Variants in ALG6 observed in about 807,000 individuals in gnomAD.
The protein encoded by ALG6 is ALG6 alpha-1,3-glucosyltransferase, also known as dolichyl pyrophosphate Man9GlcNAc2 alpha-1,3-glucosyltransferase.
ALG6 carries 46 observed loss-of-function variants against 66.6 expected under a neutral mutation model. The observed-to-expected ratio is 0.69, with a 90% CI of 0.55 to 0.88. ALG6 has a LOEUF of 0.88. Ranked by LOEUF, ALG6 falls within the 40% of genes least tolerant of loss-of-function variation. The pLI is 0.00. For missense variants in ALG6, 505 were observed against 586.8 expected (o/e 0.86, Z 1.44); for synonymous variants, 185 against 203.7 (o/e 0.91, Z 0.78).
At chr1:63,421,100 T>C (rs1406209649) in intron 12 of ALG6, among the ~76,000 whole-genome samples, 3 of 151,160 alleles carry the variant, frequency 2.0e-5, no homozygotes, top group African/African-American at 7.3e-5. Flanking sequence ...ATAAATACCA[T>C]GATGGAGAAA....
intron 7 of ALG6, among the ~76,000 whole-genome samples, chr1:63,409,108 A>G (rs1022482165): frequency 6.6e-6 from 1 of 152,138 alleles, no homozygotes; most frequent in Non-Finnish European, 1.5e-5. Flanking sequence ...ACCATTATGT[A>G]CTTTTCTCAT....
At chr1:63,388,993 ATTCT>A (rs952161551) in intron 2 of ALG6, among the ~76,000 whole-genome samples, 2 of 151,840 alleles carry the variant, frequency 1.3e-5, no homozygotes, top group African/African-American at 4.8e-5. Context: ...TGCTTTTAGG[ATTCT>A]TTCTTTATCC....
chr1:63,391,011 G>T (rs115898747), intron 2 of ALG6, among the ~76,000 whole-genome samples: 413 of 152,314 alleles, frequency 2.7e-3, no homozygotes, highest in African/African-American at 9.6e-3. Context: ...TGTGGGGATA[G>T]CTGTTGAATT....
chr1:63,436,634 T>G (rs768422377), intron 14 of ALG6, among the ~76,000 whole-genome samples, 189 bp from the exon 15 acceptor site: 2 of 152,130 alleles, frequency 1.3e-5, no homozygotes, highest in African/African-American at 4.8e-5. Context: ...TGGGGTGTGA[T>G]GTGGGCATTG....
intron 12 of ALG6, chr1:63,428,332 A>G (rs1213752979): frequency 6.2e-6 from 1 of 161,776 alleles, no homozygotes; most frequent in African/African-American, 2.4e-5. Context: ...GCGGAGTAAT[A>G]TGTAACATGA....
At chr1:63,392,575 A>G (rs1357060580) in intron 2 of ALG6, among the ~76,000 whole-genome samples, 2 of 152,236 alleles carry the variant, frequency 1.3e-5, no homozygotes, top group Non-Finnish European at 2.9e-5. Context: ...CAACAAAACT[A>G]CTTGTTTTTA....
At chr1:63,414,714 T>C (rs893173048) in intron 10 of ALG6, among the ~76,000 whole-genome samples, 1 of 152,244 alleles carries the variant, frequency 6.6e-6, no homozygotes, top group Non-Finnish European at 1.5e-5. Context: ...TGAAGAGTCA[T>C]GATATTCAGT....
intron 7 of ALG6, among the ~76,000 whole-genome samples, chr1:63,407,944 T>A (rs1394075252): frequency 2.0e-5 from 3 of 152,116 alleles, no homozygotes; most frequent in Non-Finnish European, 2.9e-5. Context: ...GTTTATGGGA[T>A]CATGGCTATC....
chr1:63,378,832 T>C (rs1648213278), intron 2 of ALG6, among the ~76,000 whole-genome samples: 2 of 151,810 alleles, frequency 1.3e-5, no homozygotes, highest in South Asian at 2.1e-4. Context: ...TGGTTTCCTG[T>C]TCATTAGTTT....
At chr1:63,379,638 T>C (rs1384046705) in intron 2 of ALG6, among the ~76,000 whole-genome samples, 2 of 152,078 alleles carry the variant, frequency 1.3e-5, no homozygotes, top group African/African-American at 4.8e-5. Flanking sequence ...ACTTTGCTGT[T>C]GTTTCTGGGG....
At chr1:63,421,242 G>A (rs1009639126) in intron 12 of ALG6, among the ~76,000 whole-genome samples, 7 of 152,096 alleles carry the variant, frequency 4.6e-5, no homozygotes, top group Non-Finnish European at 8.8e-5. Context: ...GCAATAGCGT[G>A]ATCTTGGCTC....
intron 5 of ALG6, among the ~76,000 whole-genome samples, chr1:63,405,593 CT>C (rs531265733): frequency 6.6e-6 from 1 of 152,088 alleles, no homozygotes; most frequent in Non-Finnish European, 1.5e-5. Context: ...TCTCGCCACT[CT>C]TTTGGGTGTG....
At chr1:63,411,847 T>C in intron 8 of ALG6, 79 bp from the exon 9 acceptor site, 1 of 1,572,192 alleles carries the variant, frequency 6.4e-7, no homozygotes, top group Non-Finnish European at 8.7e-7. Context: ...GCATGTATTA[T>C]GTTCAGTGAG....
intron 2 of ALG6, among the ~76,000 whole-genome samples, chr1:63,373,358 G>C (rs1486395750): frequency 6.7e-6 from 1 of 149,472 alleles, no homozygotes; most frequent in Non-Finnish European, 1.5e-5. Flanking sequence ...ATTTTTTTTT[G>C]GGGGGAGGCT....
At position 63,406,406 on chromosome 1, in the gene ALG6, T is replaced by G. The variant is rs1179620229; in HGVS notation, c.429+7T>G. ...AATCTCAACTAAGAAAAAGGTAGGT[T>G]TTCAAGCAGCCTGACAGTTCGTCTC... On this transcript the variant is annotated splice_region_variant and intron_variant, in intron 6 of 14. Coordinates refer to ENST00000263440, the MANE Select transcript of ALG6 (RefSeq NM_013339.4). The G allele has an allele frequency of 2.2e-5, 35 of 1,610,116 alleles. No homozygotes were observed. The highest frequency in any genetic ancestry group is 2.9e-5 in the Non-Finnish European group (34 of 1,176,954).
At chr1:63,412,268 G>T (rs539614379) in intron 9 of ALG6, among the ~76,000 whole-genome samples, 2 of 152,160 alleles carry the variant, frequency 1.3e-5, no homozygotes, top group African/African-American at 4.8e-5. Context: ...TATTCGCAGG[G>T]GTAATCATGG....
chr1:63,427,372 G>T (rs558900461), intron 12 of ALG6, among the ~76,000 whole-genome samples: 1 of 151,790 alleles, frequency 6.6e-6, no homozygotes, highest in South Asian at 2.1e-4. Context: ...TCATATATTA[G>T]TTGACATAGG....
chr1:63,422,082 AATAAATAT>A (rs1266253709), intron 12 of ALG6, among the ~76,000 whole-genome samples: 1,654 of 133,062 alleles, frequency 0.012, 43 homozygotes, highest in African/African-American at 0.042. Flanking sequence ...TATCTATATA[AATAAATAT>A]ATAAATATAT....
At chr1:63,422,487 A>ATATATATAAATATAAATATATATAT (rs1644593099) in intron 12 of ALG6, among the ~76,000 whole-genome samples, 1 of 132,488 alleles carries the variant, frequency 7.5e-6, no homozygotes. Context: ...ATATATATAT[A>ATATATATAAATATAAATATATATAT]AAAGAAGGTG....
Sources: allele counts gnomAD v4.1 joint callset (sites outside exome capture counted in the v4.1 genomes callset), GRCh38; gene constraint gnomAD v4.1.1; transcripts MANE v1.5; gene names NCBI Gene and HGNC (gene_info 2026-07-23, HGNC 2026-07-21).